TMEM178B: variants seen among roughly 807,000 people sequenced by gnomAD.
TMEM178B encodes transmembrane protein 178B.
TMEM178B carries 5 observed loss-of-function variants against 31.0 expected under a neutral mutation model. The ratio of observed to expected loss-of-function variants is 0.16; its 90% CI spans 0.08 to 0.34. The LOEUF (loss-of-function observed/expected upper bound fraction) is 0.34. TMEM178B is among the 10% of genes least tolerant of loss of function. The pLI is 1.00. For synonymous variants in TMEM178B, 164 were observed against 164.0 expected (o/e 1.00, Z 0.00); for missense variants, 275 against 400.3 (o/e 0.69, Z 2.67).
At chr7:141,199,026 T>C (rs952269919) in intron 1 of TMEM178B, among the ~76,000 whole-genome samples, 1 of 151,988 alleles carries the variant, frequency 6.6e-6, no homozygotes, top group African/African-American at 2.4e-5. Context: ...GGCTGGAAAA[T>C]ACATGAGCGA....
In TMEM178B at chr7:141,108,322, T is replaced by C. The variant is rs1405366193; in HGVS notation, c.382+33630T>C. On this transcript the variant is annotated intron_variant, in intron 1 of 3. Transcript: ENST00000565468. ...CCAATGCAGAAGGAAAATTTGCTGA[T>C]ATGGGAGAGAGGGAGAATCGTTAGA... Among the ~76,000 whole-genome samples, 3 of 152,084 alleles carry C rather than the reference T, an allele frequency of 2.0e-5. No homozygotes were observed. In the East Asian group the frequency reaches 5.8e-4, roughly 29 times the overall value.
At chr7:141,083,034 T>G (rs1489850190) in intron 1 of TMEM178B, among the ~76,000 whole-genome samples, 1 of 152,168 alleles carries the variant, frequency 6.6e-6, no homozygotes, top group African/African-American at 2.4e-5. Context: ...TAGTAAGTAA[T>G]CCTAGGCCTT....
intron 2 of TMEM178B, among the ~76,000 whole-genome samples, chr7:141,287,524 C>T (rs1798466243): frequency 6.6e-6 from 1 of 152,090 alleles, no homozygotes; most frequent in African/African-American, 2.4e-5. Flanking sequence ...ATTTATGAAC[C>T]CCAGTGGCTT....
chr7:141,130,256 A>G (rs1795572593), intron 1 of TMEM178B, among the ~76,000 whole-genome samples: 1 of 152,224 alleles, frequency 6.6e-6, no homozygotes. Context: ...TCTTTGTCAC[A>G]TAACATTATG....
chr7:141,362,418 A>T (rs1799931567), intron 2 of TMEM178B, among the ~76,000 whole-genome samples: 1 of 152,188 alleles, frequency 6.6e-6, no homozygotes, highest in South Asian at 2.1e-4. Context: ...CTCATGCTTC[A>T]TAGTAAAATG....
intron 2 of TMEM178B, among the ~76,000 whole-genome samples, chr7:141,299,647 C>G (rs1250628818): frequency 6.6e-6 from 1 of 152,200 alleles, no homozygotes; most frequent in African/African-American, 2.4e-5. Context: ...CTTTGGTTCT[C>G]TGCAGAATTT....
chr7:141,288,252 T>C (rs754614887), intron 2 of TMEM178B, among the ~76,000 whole-genome samples: 35 of 152,090 alleles, frequency 2.3e-4, no homozygotes, highest in Admixed American at 7.2e-4. Flanking sequence ...ACTTGACCTT[T>C]CATGATCTTT....
At chr7:141,204,897 T>C (rs1239109908) in intron 1 of TMEM178B, among the ~76,000 whole-genome samples, 1 of 152,220 alleles carries the variant, frequency 6.6e-6, no homozygotes, top group Non-Finnish European at 1.5e-5. Context: ...CACAGCTCAC[T>C]GAAGCCTCAA....
intron 2 of TMEM178B, among the ~76,000 whole-genome samples, chr7:141,405,808 C>T (rs527560094): frequency 6.6e-6 from 1 of 152,314 alleles, no homozygotes; most frequent in South Asian, 2.1e-4. Flanking sequence ...ATGAAAACCT[C>T]TGAGTCTCCT....
intron 3 of TMEM178B, among the ~76,000 whole-genome samples, chr7:141,469,189 T>C (rs1227421790): frequency 6.6e-6 from 1 of 152,218 alleles, no homozygotes; most frequent in Non-Finnish European, 1.5e-5. Context: ...CTCAAAGAAA[T>C]GATTTGGGGG....
At chr7:141,097,945 C>A (rs1186148561) in intron 1 of TMEM178B, among the ~76,000 whole-genome samples, 1 of 151,914 alleles carries the variant, frequency 6.6e-6, no homozygotes, top group African/African-American at 2.4e-5. Flanking sequence ...GTGTGTGCCA[C>A]CATGCCTGGC....
intron 1 of TMEM178B, among the ~76,000 whole-genome samples, chr7:141,105,420 T>C (rs1418429330): frequency 6.6e-6 from 1 of 152,098 alleles, no homozygotes; most frequent in Non-Finnish European, 1.5e-5. Flanking sequence ...GACATGAGAA[T>C]TGCTTGAACC....
chr7:141,278,800 GA>G (rs1798309080), intron 2 of TMEM178B, among the ~76,000 whole-genome samples: 1 of 152,108 alleles, frequency 6.6e-6, no homozygotes, highest in Non-Finnish European at 1.5e-5. Flanking sequence ...AGTTAGCCTG[GA>G]AAAGAGAGGA....
intron 2 of TMEM178B, among the ~76,000 whole-genome samples, chr7:141,322,408 G>C (rs979404958): frequency 1.3e-5 from 2 of 151,804 alleles, no homozygotes; most frequent in Admixed American, 1.3e-4. Flanking sequence ...GCATATGCCT[G>C]TAGTCAGTCC....
chr7:141,094,626 A>G (rs956556913), intron 1 of TMEM178B, among the ~76,000 whole-genome samples: 2 of 152,144 alleles, frequency 1.3e-5, no homozygotes, highest in African/African-American at 4.8e-5. Flanking sequence ...AACAGGTTTC[A>G]TTTTTTAAAA....
rs932714842 is a variant in TMEM178B, at chr7:141,476,880, G to A, written c.*6094G>A. ...CGGGGGAGCCACCCAACTGCAGGGG[G>A]GTGTATGTTCAGGTGTGAAAAACAG... On this transcript the variant is annotated 3_prime_UTR_variant, in exon 4 of 4. Coordinates refer to ENST00000565468, the MANE Select transcript of TMEM178B (RefSeq NM_001195278.2). 3.9e-5 allele frequency: 6 copies of A among 154,870 alleles called. No homozygotes were observed. The highest frequency in any genetic ancestry group is 2.0e-4 in the Admixed American group (3 of 15,302). 9.6% of individuals were successfully genotyped at this position (154,870 alleles called of 1,614,324 possible).
At chr7:141,439,070 T>G (rs1468847574) in intron 3 of TMEM178B, among the ~76,000 whole-genome samples, 1 of 152,026 alleles carries the variant, frequency 6.6e-6, no homozygotes, top group Non-Finnish European at 1.5e-5. Flanking sequence ...GCTGGCTCTT[T>G]GTCTGCAGGT....
intron 1 of TMEM178B, among the ~76,000 whole-genome samples, chr7:141,181,006 A>G (rs934991739): frequency 3.3e-5 from 5 of 152,068 alleles, no homozygotes; most frequent in Admixed American, 2.6e-4. Flanking sequence ...CCATCCACCC[A>G]TCTGTCAATT....
intron 1 of TMEM178B, among the ~76,000 whole-genome samples, chr7:141,112,395 G>A (rs565200505): frequency 8.5e-5 from 13 of 152,126 alleles, no homozygotes; most frequent in Non-Finnish European, 1.8e-4. Context: ...TGGGACAACA[G>A]GTGTTAGCCA....
Sources: gnomAD v4.1 joint callset for allele counts (sites outside exome capture counted in the v4.1 genomes callset) on GRCh38, gnomAD v4.1.1 for gene constraint, MANE v1.5 for transcripts, NCBI Gene and HGNC (gene_info 2026-07-23, HGNC 2026-07-21) for gene names.